Variants in GFPT2 observed in about 807,000 individuals in gnomAD.
GFPT2 encodes the protein glutamine--fructose-6-phosphate aminotransferase [isomerizing] 2.
GFPT2 carries 62 observed loss-of-function variants against 85.6 expected under a neutral mutation model. The observed-to-expected ratio is 0.72, with a 90% CI of 0.59 to 0.90. The LOEUF is 0.90. Among genes scored for constraint, GFPT2 ranks in the 40% least tolerant of loss-of-function variants. GFPT2 has a pLI of 0.00. For missense variants in GFPT2, 788 were observed against 893.4 expected (o/e 0.88, Z 1.50); for synonymous variants, 368 against 344.5 (o/e 1.07, Z -0.75).
intron 17 of GFPT2, among the ~76,000 whole-genome samples, chr5:180,303,358 T>C (rs1185224470): frequency 6.6e-6 from 1 of 152,072 alleles, no homozygotes; most frequent in Non-Finnish European, 1.5e-5. Flanking sequence ...GAACCCTAAA[T>C]GATGAGGGGA....
chr5:180,352,367 G>A (rs1764727406), intron 1 of GFPT2: 1 of 436,170 alleles, frequency 2.3e-6, no homozygotes, highest in Admixed American at 2.7e-5. Context: ...AAAGAGCACA[G>A]TGACCTTTTG....
At position 180,301,551 on chromosome 5, in the gene GFPT2, C is replaced by T; in HGVS notation, c.*13G>A. ...AGATGAAAGGTGGTGATGGTCTTGT[C>T]ACGGTCTCAGCCTCATTCCACAGTT... On this transcript the variant is annotated 3_prime_UTR_variant, in exon 19 of 19. Transcript: ENST00000253778. 6.2e-7 allele frequency: 1 copy of T among 1,608,208 alleles called. No homozygotes were observed. The highest frequency in any genetic ancestry group is 1.1e-5 in the South Asian group (1 of 90,972).
At position 180,301,215 on chromosome 5, in the gene GFPT2, CG is replaced by C; in HGVS notation, c.*348del. On this transcript the variant is annotated 3_prime_UTR_variant, in exon 19 of 19. Transcript: ENST00000253778. ...AAAAATAACTTAAAAGCTATACAGT[CG>C]TCATTATAAATATCTTGTCTTTTAA... 2 of 333,330 alleles carry C rather than the reference CG, an allele frequency of 6.0e-6. No homozygotes were observed. The highest frequency in any genetic ancestry group is 1.1e-5 in the Non-Finnish European group (2 of 182,940). 20.6% of individuals were successfully genotyped at this position (333,330 alleles called of 1,614,324 possible).
chr5:180,305,797 C>T (rs62404925), intron 16 of GFPT2, among the ~76,000 whole-genome samples: 52,299 of 152,028 alleles, frequency 0.34, 9,712 homozygotes, highest in Non-Finnish European at 0.41. Context: ...CTTGCCTCTA[C>T]TGCACTCCAA....
Position 180,328,362 on chromosome 5 carries a change from G to T in GFPT2, c.535-24C>A. 6.3e-7 allele frequency: 1 copy of T among 1,593,568 alleles called. No homozygotes were observed. The highest frequency in any genetic ancestry group is 8.6e-7 in the Non-Finnish European group (1 of 1,161,916). Reference sequence around the variant, plus strand: ...TCCTGAAAACACACAAACAGTGAGGGTCAACGCGTTCCAGCAGCCGCTGCT... The same window carrying T: ...TCCTGAAAACACACAAACAGTGAGGTTCAACGCGTTCCAGCAGCCGCTGCT... On this transcript the variant is annotated intron_variant, in intron 6 of 18. Coordinates refer to ENST00000253778, the MANE Select transcript of GFPT2 (RefSeq NM_005110.4). This position sits in a 1 kb window ranked among gnomAD's most constrained non-coding sequence, Gnocchi z 5.4.
intron 15 of GFPT2, among the ~76,000 whole-genome samples, chr5:180,311,970 GCTGAGGAC>G (rs1457195130): frequency 6.9e-6 from 1 of 145,588 alleles, no homozygotes; most frequent in African/African-American, 2.5e-5. Flanking sequence ...AGGCAGGGAG[GCTGAGGAC>G]CAGGGAGGCA....
intron 15 of GFPT2, among the ~76,000 whole-genome samples, chr5:180,312,100 T>G (rs1331028169): frequency 2.5e-5 from 1 of 39,458 alleles, no homozygotes; most frequent in Non-Finnish European, 5.2e-5. Context: ...GCAGGGAGGC[T>G]GAGGACCAGG....
chr5:180,336,832 C>T (rs1394575515), intron 2 of GFPT2, among the ~76,000 whole-genome samples: 2 of 152,248 alleles, frequency 1.3e-5, no homozygotes, highest in Non-Finnish European at 2.9e-5. Flanking sequence ...AGGGTGAGCC[C>T]CTCGGGACAC....
At chr5:180,338,881 A>G (rs1764453805) in intron 1 of GFPT2, among the ~76,000 whole-genome samples, 1 of 152,208 alleles carries the variant, frequency 6.6e-6, no homozygotes, top group South Asian at 2.1e-4. Flanking sequence ...CAGCGTGGCA[A>G]TGTCCATAAT....
At chr5:180,302,301 G>T in intron 18 of GFPT2, 122 bp downstream of exon 18, 17 of 667,562 alleles carry the variant, frequency 2.5e-5, no homozygotes, top group Non-Finnish European at 4.0e-5. Flanking sequence ...AAAAAAAAAA[G>T]AAAGCTACTT....
chr5:180,327,950 G>C (rs1002658477), intron 7 of GFPT2, among the ~76,000 whole-genome samples: 27 of 152,290 alleles, frequency 1.8e-4, no homozygotes, highest in East Asian at 1.3e-3. Flanking sequence ...ACATTGTACA[G>C]GCTTCAAGCC....
intron 10 of GFPT2, among the ~76,000 whole-genome samples, chr5:180,317,696 T>C (rs1303556505): frequency 2.5e-5 from 3 of 119,600 alleles, no homozygotes; most frequent in Non-Finnish European, 5.0e-5. Context: ...GAGGCGGAGC[T>C]TGCAGTGAGC....
intron 17 of GFPT2, among the ~76,000 whole-genome samples, chr5:180,303,537 G>A (rs2127645520): frequency 6.6e-6 from 1 of 152,342 alleles, no homozygotes; most frequent in East Asian, 1.9e-4. Flanking sequence ...GCAGGACTGT[G>A]GGTCTCTGTG....
At chr5:180,337,422 C>T (rs982991054) in intron 2 of GFPT2, among the ~76,000 whole-genome samples, 5 of 145,118 alleles carry the variant, frequency 3.4e-5, no homozygotes, top group African/African-American at 1.3e-4. Flanking sequence ...CACTGCACTT[C>T]AGCCTGGGTG....
chr5:180,325,764 C>T (rs1319682153), intron 7 of GFPT2, among the ~76,000 whole-genome samples: 1 of 152,240 alleles, frequency 6.6e-6, no homozygotes, highest in African/African-American at 2.4e-5. Flanking sequence ...CAGTGGCTCA[C>T]GCCTGTAATC....
chr5:180,310,442 A>G (rs200165791), intron 15 of GFPT2, among the ~76,000 whole-genome samples: 6 of 135,730 alleles, frequency 4.4e-5, no homozygotes, highest in African/African-American at 1.7e-4. Context: ...ATGGAGTCTC[A>G]CTCTGTTGCC....
At position 180,316,874 on chromosome 5, in the gene GFPT2, C is replaced by T. The variant is rs754644317; in HGVS notation, c.1055-13G>A. ...CCACCCAGGAGCACTGCAGGGCACA[C>T]GACAAGGCGTTAATGCTGAGTCTAC... is the stretch of plus-strand genomic sequence containing the variant. On this transcript the variant is annotated splice_polypyrimidine_tract_variant and intron_variant, in intron 11 of 18. Transcript: ENST00000253778. 8.7e-6 allele frequency: 14 copies of T among 1,604,550 alleles called. No homozygotes were observed. Among genetic ancestry groups the T allele is most frequent in the South Asian group, 1.1e-5 (1 of 90,896 alleles).
chr5:180,345,609 C>T (rs1175799067), intron 1 of GFPT2, among the ~76,000 whole-genome samples: 3 of 152,268 alleles, frequency 2.0e-5, no homozygotes, highest in Non-Finnish European at 4.4e-5. Context: ...GCTTCCTTGT[C>T]TTTTTCTTCG....
chr5:180,340,203 T>G (rs980866589), intron 1 of GFPT2, among the ~76,000 whole-genome samples: 18 of 151,632 alleles, frequency 1.2e-4, no homozygotes. Context: ...TTTGTTTTTG[T>G]TTTTGTTGTT....
Sources: allele counts gnomAD v4.1 joint callset (sites outside exome capture counted in the v4.1 genomes callset), GRCh38; gene constraint gnomAD v4.1.1; non-coding constraint Gnocchi (gnomAD v3.1); transcripts MANE v1.5; gene names NCBI Gene and HGNC (gene_info 2026-07-23, HGNC 2026-07-21).